The following CUL3 variants were observed in gnomAD, a reference collection of about 807,000 sequenced individuals.
CUL3 encodes the protein cullin 3.
In CUL3, 19 loss-of-function variants were observed where a neutral mutation model predicts 89.1. That is an observed-to-expected ratio of 0.21 (90% confidence interval 0.15 to 0.31). CUL3 has a LOEUF of 0.31. Among genes scored for constraint, CUL3 ranks in the 10% least tolerant of loss-of-function variants. The pLI, the probability that CUL3 is intolerant of heterozygous loss-of-function variation, is 1.00. For synonymous variants in CUL3, 351 were observed against 308.4 expected (o/e 1.14, Z -1.45); for missense variants, 469 against 942.3 (o/e 0.50, Z 6.58).
At chr2:224,550,022 T>C (rs1037615176) in intron 2 of CUL3, among the ~76,000 whole-genome samples, 2 of 152,176 alleles carry the variant, frequency 1.3e-5, no homozygotes, top group African/African-American at 4.8e-5. Flanking sequence ...CAATCCTCAA[T>C]GTATCTGAAC....
At chr2:224,535,760 T>A (rs576423893) in intron 2 of CUL3, 119 bp from the exon 3 acceptor site, 1 of 684,212 alleles carries the variant, frequency 1.5e-6, no homozygotes, top group African/African-American at 1.8e-5. Flanking sequence ...ATCAAAGAAA[T>A]GTTATAGGCT....
intron 1 of CUL3, among the ~76,000 whole-genome samples, chr2:224,579,934 C>T (rs1291410063): frequency 6.6e-6 from 1 of 152,108 alleles, no homozygotes; most frequent in African/African-American, 2.4e-5. Context: ...GGGCAAAACC[C>T]CAGACAGTAA....
At chr2:224,563,277 T>C (rs919522954) in intron 1 of CUL3, 2 of 471,008 alleles carry the variant, frequency 4.2e-6, no homozygotes, top group Non-Finnish European at 8.8e-6. Flanking sequence ...TTTAAATCAT[T>C]TTCACCCTGA....
chr2:224,584,486 G>A (rs1210034543), intron 1 of CUL3, among the ~76,000 whole-genome samples: 6 of 152,100 alleles, frequency 3.9e-5, no homozygotes, highest in Non-Finnish European at 7.4e-5. Flanking sequence ...CAGAGAGAGA[G>A]GGCAGCCCCT....
intron 1 of CUL3, among the ~76,000 whole-genome samples, chr2:224,559,751 C>T (rs1455907834): frequency 6.6e-6 from 1 of 152,176 alleles, no homozygotes; most frequent in East Asian, 1.9e-4. Flanking sequence ...ACTTACCTAT[C>T]CAGCAGCATT....
chr2:224,514,522 T>A lies in CUL3; in HGVS notation c.539+90A>T, dbSNP rs1363380151. ...CCCAATGTGCTCAACATTCAAACTT[T>A]TATTTATTTTAATAAAACTAAGACA... On this transcript the variant is annotated intron_variant, in intron 4 of 15. Transcript: ENST00000264414. 20 of 1,147,260 alleles carry A rather than the reference T, an allele frequency of 1.7e-5. No homozygotes were observed. In the East Asian group the frequency reaches 5.0e-4, roughly 29 times the overall value. 71.1% of individuals were successfully genotyped at this position (1,147,260 alleles called of 1,614,324 possible). A position where few individuals can be genotyped will look rare whatever the true frequency, so the allele number is the denominator to read the frequency against.
At chr2:224,526,800 GAGCA>G (rs1693498157) in intron 3 of CUL3, among the ~76,000 whole-genome samples, 1 of 146,282 alleles carries the variant, frequency 6.8e-6, no homozygotes, top group East Asian at 2.0e-4. Flanking sequence ...CTGGGCGACA[GAGCA>G]AGACTAAGTC....
chr2:224,511,258 G>T, intron 6 of CUL3, 96 bp downstream of exon 6: 1 of 850,116 alleles, frequency 1.2e-6, no homozygotes, highest in Non-Finnish European at 1.8e-6. Context: ...AAAACTTCTT[G>T]AAAGCTGATA....
intron 2 of CUL3, among the ~76,000 whole-genome samples, chr2:224,551,510 T>C (rs912278385): frequency 2.6e-5 from 4 of 151,560 alleles, no homozygotes; most frequent in African/African-American, 9.7e-5. Flanking sequence ...TGGTCAATTT[T>C]TTTTTTTTTT....
intron 3 of CUL3, among the ~76,000 whole-genome samples, chr2:224,518,887 G>T (rs907153349): frequency 1.3e-5 from 2 of 152,164 alleles, no homozygotes; most frequent in African/African-American, 4.8e-5. Context: ...GCTACTAAAG[G>T]AGGTAAATCT....
intron 1 of CUL3, among the ~76,000 whole-genome samples, chr2:224,566,967 G>C (rs960096007): frequency 6.6e-6 from 1 of 152,150 alleles, no homozygotes; most frequent in South Asian, 2.1e-4. Flanking sequence ...AACCACAGCT[G>C]CAGAACTTAA....
intron 3 of CUL3, among the ~76,000 whole-genome samples, chr2:224,528,865 A>G (rs1693581631): frequency 6.6e-6 from 1 of 152,044 alleles, no homozygotes; most frequent in Non-Finnish European, 1.5e-5. Context: ...CTGCAAAGGT[A>G]TTTGCAGAAT....
intron 2 of CUL3, among the ~76,000 whole-genome samples, chr2:224,551,733 A>T (rs143021100): frequency 1.2e-4 from 18 of 152,344 alleles, no homozygotes; most frequent in African/African-American, 4.3e-4. Context: ...CTACAAAAAC[A>T]GACTCTGAGG....
At chr2:224,572,100 T>C (rs1232247138) in intron 1 of CUL3, among the ~76,000 whole-genome samples, 2 of 152,180 alleles carry the variant, frequency 1.3e-5, no homozygotes, top group Non-Finnish European at 2.9e-5. Flanking sequence ...AACATTGAGT[T>C]ATTACGGCTA....
At chr2:224,482,625 T>C (rs1302909410) in intron 13 of CUL3, among the ~76,000 whole-genome samples, 1 of 151,906 alleles carries the variant, frequency 6.6e-6, no homozygotes, top group Non-Finnish European at 1.5e-5. Context: ...AACATAAATA[T>C]CAACAAGCAA....
At chr2:224,505,931 T>C (rs2106202435) in intron 8 of CUL3, 25 bp downstream of exon 8, 1 of 1,397,478 alleles carries the variant, frequency 7.2e-7, no homozygotes, top group African/African-American at 1.5e-5. Flanking sequence ...AATTAAATGT[T>C]ATTTTCAAAT....
chr2:224,500,637 T>C, intron 10 of CUL3, 150 bp from the exon 11 acceptor site: 2 of 781,346 alleles, frequency 2.6e-6, no homozygotes, highest in Non-Finnish European at 3.7e-6. Context: ...CTTTTTTTTT[T>C]TTTTTTTGAG....
intron 12 of CUL3, among the ~76,000 whole-genome samples, chr2:224,496,241 T>C (rs1336748620): frequency 6.6e-6 from 1 of 152,142 alleles, no homozygotes; most frequent in Non-Finnish European, 1.5e-5. Flanking sequence ...ATGTTGCCCA[T>C]GCTGGTCTCA....
At chr2:224,518,867 T>G (rs768340116) in intron 3 of CUL3, among the ~76,000 whole-genome samples, 2 of 152,210 alleles carry the variant, frequency 1.3e-5, no homozygotes, top group Non-Finnish European at 2.9e-5. Context: ...TTAAGCATAG[T>G]GATGGTATCG....
Sources: allele counts gnomAD v4.1 joint callset (sites outside exome capture counted in the v4.1 genomes callset), GRCh38; gene constraint gnomAD v4.1.1; transcripts MANE v1.5; gene names NCBI Gene and HGNC (gene_info 2026-07-23, HGNC 2026-07-21).